Variants in RPN1 observed in about 807,000 individuals in gnomAD.
The protein encoded by RPN1 is dolichyl-diphosphooligosaccharide--protein glycosyltransferase subunit 1.
In RPN1, 12 loss-of-function variants were observed where a neutral mutation model predicts 55.5. That is an observed-to-expected ratio of 0.22 (90% CI 0.14 to 0.35). The LOEUF is 0.35. Among genes scored for constraint, RPN1 ranks in the 10% least tolerant of loss-of-function variants. The pLI is 1.00. For missense variants in RPN1, 679 were observed against 761.3 expected (o/e 0.89, Z 1.27); for synonymous variants, 317 against 305.9 (o/e 1.04, Z -0.38).
rs1216267742 is a variant in RPN1, at chr3:128,650,745, G to C, written c.56C>G (p.Pro19Arg). Residue 19 changes from proline (P) to arginine (R), a missense_variant, in exon 1 of 10, where the codon CCG (proline) becomes CGG (arginine). Coordinates refer to ENST00000296255, the MANE Select transcript of RPN1 (RefSeq NM_002950.4). ...CTCGGAGGAGGCGCTGCCCGGCGCC[G>C]GGGCCCAAGTCCCAAGCAACAGGAG... Reference protein sequence around the residue: ...FLLLLLGTWAPAPGSASSEAP... With the variant: ...FLLLLLGTWARAPGSASSEAP... 12 of 1,552,568 alleles carry C rather than the reference G, an allele frequency of 7.7e-6. No individual in the cohort carries two copies. Among genetic ancestry groups the C allele is most frequent in the Non-Finnish European group, 1.0e-5 (12 of 1,147,974 alleles).
At chr3:128,629,221 T>A (rs2069624329) in intron 5 of RPN1, among the ~76,000 whole-genome samples, 2 of 152,120 alleles carry the variant, frequency 1.3e-5, no homozygotes, top group Non-Finnish European at 2.9e-5. Flanking sequence ...GAGCTATACA[T>A]TTTTTGTATG....
chr3:128,639,218 C>T (rs773425335), intron 2 of RPN1, among the ~76,000 whole-genome samples: 5 of 151,938 alleles, frequency 3.3e-5, no homozygotes, highest in Admixed American at 6.6e-5. Flanking sequence ...TTTGGGAGAC[C>T]GAGATGGGTG....
chr3:128,644,644 A>T, intron 2 of RPN1: 1 of 572,282 alleles, frequency 1.7e-6, no homozygotes, highest in Non-Finnish European at 3.3e-6. Flanking sequence ...TGGGCAACAG[A>T]CCCTGTCTCA....
intron 8 of RPN1, among the ~76,000 whole-genome samples, chr3:128,623,312 A>G (rs2069573930): frequency 6.6e-6 from 1 of 152,194 alleles, no homozygotes; most frequent in Non-Finnish European, 1.5e-5. Flanking sequence ...CGAGGCAGGC[A>G]GATTGCTTGA....
chr3:128,645,345 C>T (rs1014484582), intron 1 of RPN1, among the ~76,000 whole-genome samples: 18 of 152,044 alleles, frequency 1.2e-4, no homozygotes, highest in African/African-American at 4.4e-4. Flanking sequence ...TGGCACATGC[C>T]TGTAATCCCA....
intron 4 of RPN1, among the ~76,000 whole-genome samples, chr3:128,630,522 TC>T (rs1343051649): frequency 6.6e-6 from 1 of 152,214 alleles, no homozygotes; most frequent in Admixed American, 6.6e-5. Context: ...AAAGGGTTTT[TC>T]TACCTGATAT....
chr3:128,644,591 T>G lies in RPN1; in HGVS notation c.326+328A>C, dbSNP rs1176980402. ...AGAAGGACGGTTTGAGCCCTGGAGG[T>G]GGAGGTTGCAGTGAGTCAACATGGC... On this transcript the variant is annotated intron_variant, in intron 2 of 9. Transcript: ENST00000296255. The G allele has an allele frequency of 6.0e-6, 3 of 503,994 alleles. No individual in the cohort carries two copies. The Admixed American group carries it at 7.1e-5, about 12-fold the overall frequency. 31.2% of individuals were successfully genotyped at this position (503,994 alleles called of 1,614,324 possible). A position where few individuals can be genotyped will look rare whatever the true frequency, so the allele number is the denominator to read the frequency against.
At chr3:128,623,661 G>C (rs1459200022) in intron 8 of RPN1, among the ~76,000 whole-genome samples, 1 of 152,180 alleles carries the variant, frequency 6.6e-6, no homozygotes, top group Non-Finnish European at 1.5e-5. Context: ...AGTGAGCTGT[G>C]ATTGATCGGG....
At position 128,622,267 on chromosome 3, in the gene RPN1, T is replaced by C. The variant is rs753779504; in HGVS notation, c.1538A>G (p.Asn513Ser). ...YKQSRDISTL[N>S]SGKKSLETEH... ...AGTCTCCAGGCTCTTCTTGCCACTG[T>C]TGAGGGTGGAGATGTCCCGGGATTG... The change falls in exon 9 of 10, where the codon AAC becomes AGC. Residue 513 changes from asparagine to serine, a missense_variant. Transcript: ENST00000296255. 39 of 1,614,226 alleles carry C rather than the reference T, an allele frequency of 2.4e-5. No homozygotes were observed. The highest frequency in any genetic ancestry group is 3.3e-5 in the Non-Finnish European group (39 of 1,180,036).
At chr3:128,633,982 C>CA (rs199941507) in intron 3 of RPN1, among the ~76,000 whole-genome samples, 3,298 of 148,980 alleles carry the variant, frequency 0.022, 113 homozygotes, top group African/African-American at 0.07. Context: ...GACTGTCTCT[C>CA]AAAAAAAACA....
At position 128,622,805 on chromosome 3, in the gene RPN1, G is replaced by A. The variant is rs191691177; in HGVS notation, c.1396-396C>T. 4.2e-3 allele frequency among the ~76,000 whole-genome samples: 633 copies of A among 151,708 alleles called. 5 individuals carry two copies. Among genetic ancestry groups the A allele is most frequent in the African/African-American group, 0.014 (588 of 41,254 alleles). On this transcript the variant is annotated intron_variant, in intron 8 of 9. Coordinates refer to ENST00000296255, the MANE Select transcript of RPN1 (RefSeq NM_002950.4). ...TCAGCTACTCAGGAGGCTGAGGCAGGAGAATCACCTGAACCCAGGAGGCGG... is the reference window on the plus strand; with the variant it reads ...TCAGCTACTCAGGAGGCTGAGGCAGAAGAATCACCTGAACCCAGGAGGCGG...
chr3:128,626,199 C>T (rs2069598998), intron 6 of RPN1, among the ~76,000 whole-genome samples, 187 bp from the exon 7 acceptor site: 1 of 152,116 alleles, frequency 6.6e-6, no homozygotes, highest in Non-Finnish European at 1.5e-5. Flanking sequence ...GCCAGAAAGC[C>T]CTTTGTTTTA....
chr3:128,637,573 CA>C (rs112892228), intron 3 of RPN1, among the ~76,000 whole-genome samples: 2,434 of 152,204 alleles, frequency 0.016, 64 homozygotes, highest in African/African-American at 0.055. Flanking sequence ...CTCCAACACC[CA>C]TTCCACCTCT....
At chr3:128,630,917 T>C (rs913626338) in intron 4 of RPN1, among the ~76,000 whole-genome samples, 3 of 142,158 alleles carry the variant, frequency 2.1e-5, no homozygotes, top group African/African-American at 5.3e-5. Context: ...ATCGAGACCA[T>C]CCTGGCTAAC....
chr3:128,647,848 G>A (rs1382817862), intron 1 of RPN1, among the ~76,000 whole-genome samples: 2 of 152,074 alleles, frequency 1.3e-5, no homozygotes, highest in Non-Finnish European at 2.9e-5. Flanking sequence ...ATCCAAAAGA[G>A]AGGAAAAATC....
At chr3:128,649,030 A>G (rs957851212) in intron 1 of RPN1, among the ~76,000 whole-genome samples, 3 of 152,202 alleles carry the variant, frequency 2.0e-5, no homozygotes, top group African/African-American at 7.2e-5. Flanking sequence ...ACCCACCATA[A>G]TATCTGACAC....
intron 2 of RPN1, among the ~76,000 whole-genome samples, chr3:128,640,180 A>G (rs1282477876): frequency 6.6e-6 from 1 of 151,872 alleles, no homozygotes; most frequent in Non-Finnish European, 1.5e-5. Context: ...TCAAAAAAGG[A>G]AAAAAAAGAA....
chr3:128,636,415 C>T (rs1200569817), intron 3 of RPN1, among the ~76,000 whole-genome samples: 1 of 151,292 alleles, frequency 6.6e-6, no homozygotes, highest in African/African-American at 2.4e-5. Context: ...TAGCTGAGAT[C>T]GCCCCACTGC....
chr3:128,637,916 G>T lies in RPN1; in HGVS notation c.516C>A (p.Thr172=). 1 of 1,614,200 alleles carries T rather than the reference G, an allele frequency of 6.2e-7. No individual in the cohort carries two copies. The highest frequency in any genetic ancestry group is 8.5e-7 in the Non-Finnish European group (1 of 1,180,040). ...FYSPYPTKTQ[T]MRVKLASRNV... ...TTCGAGAGGCAAGCTTCACACGCAT[G>T]GTTTGTGTCTTCGTTGGATAGGGAG... The change falls in exon 3 of 10, where the codon ACC becomes ACA. Residue 172 remains threonine (T), a synonymous_variant. Coordinates refer to ENST00000296255, the MANE Select transcript of RPN1 (RefSeq NM_002950.4).
Sources: gnomAD v4.1 joint callset for allele counts (sites outside exome capture counted in the v4.1 genomes callset) on GRCh38, gnomAD v4.1.1 for gene constraint, MANE v1.5 for transcripts, NCBI Gene and HGNC (gene_info 2026-07-23, HGNC 2026-07-21) for gene names.